Variants in TTC6 observed in about 807,000 individuals in gnomAD.
TTC6 encodes tetratricopeptide repeat domain 6, also known as tetratricopeptide repeat protein 6.
Under a neutral mutation model 210.4 loss-of-function variants are expected in TTC6, and 172 were observed. That is an observed-to-expected ratio of 0.82 (90% CI 0.72 to 0.93). TTC6 has a LOEUF of 0.93. Ranked by LOEUF, TTC6 falls within the 40% of genes least tolerant of loss-of-function variation. The pLI is 0.00. For missense variants in TTC6, 2,414 were observed against 2,318.1 expected (o/e 1.04, Z -0.85); for synonymous variants, 804 against 819.6 (o/e 0.98, Z 0.32).
At chr14:37,648,883 C>A (rs1261321100) in intron 1 of TTC6, among the ~76,000 whole-genome samples, 1 of 151,972 alleles carries the variant, frequency 6.6e-6, no homozygotes, top group East Asian at 1.9e-4. Context: ...TGTGGCTTGG[C>A]CTTTTGATTT....
chr14:37,606,419 G>A (rs1399165076), intron 1 of TTC6, among the ~76,000 whole-genome samples: 1 of 152,064 alleles, frequency 6.6e-6, no homozygotes, highest in Non-Finnish European at 1.5e-5. Context: ...GAGTACTTAG[G>A]CTTCCTGCTT....
intron 1 of TTC6, among the ~76,000 whole-genome samples, chr14:37,641,259 T>C (rs1199690103): frequency 6.6e-6 from 1 of 152,246 alleles, no homozygotes; most frequent in Non-Finnish European, 1.5e-5. Flanking sequence ...AAGTCAGCCA[T>C]TCTGTAGCTG....
At chr14:37,752,819 T>C (rs1242884621) in intron 13 of TTC6, among the ~76,000 whole-genome samples, 3 of 152,094 alleles carry the variant, frequency 2.0e-5, no homozygotes, top group Admixed American at 6.6e-5. Flanking sequence ...AATTCACTTA[T>C]GAATTTTTAT....
chr14:37,635,995 A>G (rs1281605053), intron 1 of TTC6, among the ~76,000 whole-genome samples: 5 of 150,536 alleles, frequency 3.3e-5, no homozygotes, highest in African/African-American at 4.9e-5. Flanking sequence ...AAAAAAAAAA[A>G]AAAAAGAAAA....
chr14:37,835,441 A>G (rs910559632), intron 29 of TTC6, among the ~76,000 whole-genome samples: 2 of 152,110 alleles, frequency 1.3e-5, no homozygotes, highest in Non-Finnish European at 1.5e-5. Context: ...ATTAGGATCA[A>G]AATCTTTGAG....
At chr14:37,728,427 A>C (rs5007440) in intron 7 of TTC6, among the ~76,000 whole-genome samples, 135,273 of 148,806 alleles carry the variant, frequency 0.91, 61,501 homozygotes, top group East Asian at 1. Flanking sequence ...CAAAAAAAAA[A>C]AAAAAAAAAA....
chr14:37,615,881 T>G (rs1218296822), intron 2 of TTC6, among the ~76,000 whole-genome samples: 1 of 152,264 alleles, frequency 6.6e-6, no homozygotes, highest in Admixed American at 6.5e-5. Context: ...GACTGGAATC[T>G]GTTTATTATG....
upstream of TTC6, among the ~76,000 whole-genome samples, chr14:37,618,038 C>T (rs1010175996): frequency 6.6e-6 from 1 of 152,206 alleles, no homozygotes; most frequent in Non-Finnish European, 1.5e-5. Flanking sequence ...AGACTGCTTT[C>T]CCTTTTTGAG....
intron 2 of TTC6, among the ~76,000 whole-genome samples, chr14:37,614,644 GTT>G (rs71127226): frequency 7.1e-6 from 1 of 141,624 alleles, no homozygotes; most frequent in African/African-American, 2.6e-5. Flanking sequence ...ATTCTCTTAG[GTT>G]TTTTTTTTTT....
intron 14 of TTC6, among the ~76,000 whole-genome samples, chr14:37,765,422 C>T (rs2095996232): frequency 6.6e-6 from 1 of 150,954 alleles, no homozygotes; most frequent in African/African-American, 2.4e-5. Flanking sequence ...CTCAAGCAAT[C>T]CCCCAACTTT....
intron 25 of TTC6, among the ~76,000 whole-genome samples, chr14:37,816,257 A>C (rs1411366878): frequency 6.6e-6 from 1 of 152,154 alleles, no homozygotes; most frequent in Non-Finnish European, 1.5e-5. Flanking sequence ...GAGTGCTCAG[A>C]TTAACCTTAA....
intron 14 of TTC6, among the ~76,000 whole-genome samples, chr14:37,765,723 A>G (rs2095997237): frequency 6.6e-6 from 1 of 151,946 alleles, no homozygotes; most frequent in African/African-American, 2.4e-5. Context: ...TTTTTTGTAA[A>G]ATAGGTTTAC....
chr14:37,746,956 C>T (rs2095937907), intron 10 of TTC6, among the ~76,000 whole-genome samples: 1 of 152,146 alleles, frequency 6.6e-6, no homozygotes, highest in Non-Finnish European at 1.5e-5. Context: ...CAGTTTTCTG[C>T]TTCTTGCCTA....
intron 24 of TTC6, among the ~76,000 whole-genome samples, chr14:37,810,796 TA>T (rs2096128006): frequency 6.6e-6 from 1 of 152,184 alleles, no homozygotes; most frequent in South Asian, 2.1e-4. Context: ...TCATAAAAAC[TA>T]AGGGAAGATC....
At chr14:37,738,880 A>G (rs1338932444) in exon 10 of TTC6, 1 of 1,535,234 alleles carries the variant, frequency 6.5e-7, no homozygotes. Flanking sequence ...TTCAGAAAGC[A>G]AAGGAATTGA....
At chr14:37,700,326 A>G (rs186049208) in intron 4 of TTC6, among the ~76,000 whole-genome samples, 48 of 152,288 alleles carry the variant, frequency 3.2e-4, no homozygotes, top group Non-Finnish European at 5.6e-4. Context: ...TTATACCTCC[A>G]ATACAGCTTC....
chr14:37,622,647 G>C, exon 1 of TTC6: 1 of 1,535,104 alleles, frequency 6.5e-7, no homozygotes, highest in Non-Finnish European at 8.7e-7. Context: ...AGCTCCTCTC[G>C]CAGGGCCCTG....
chr14:37,673,011 T>G (rs1040731980), intron 1 of TTC6, among the ~76,000 whole-genome samples: 16 of 152,288 alleles, frequency 1.1e-4, no homozygotes, highest in Non-Finnish European at 2.1e-4. Context: ...AAAGATGCTA[T>G]ACACATTTAG....
At chr14:37,702,639 TTATAA>T (rs2095827736) in intron 5 of TTC6, among the ~76,000 whole-genome samples, 1 of 152,192 alleles carries the variant, frequency 6.6e-6, no homozygotes, top group African/African-American at 2.4e-5. Context: ...TTTTTTAGTA[TTATAA>T]TTTAACTATC....
Sources: allele counts gnomAD v4.1 joint callset (sites outside exome capture counted in the v4.1 genomes callset), GRCh38; gene constraint gnomAD v4.1.1; transcripts MANE v1.5; gene names NCBI Gene and HGNC (gene_info 2026-07-23, HGNC 2026-07-21).